The following FHIP1A variants were observed in gnomAD, a reference collection of about 807,000 sequenced individuals.
The protein encoded by FHIP1A is FHF complex subunit HOOK-interacting protein 1A.
Under a neutral mutation model 88.6 loss-of-function variants are expected in FHIP1A, and 61 were observed. The ratio of observed to expected loss-of-function variants is 0.69; its 90% CI spans 0.56 to 0.85. The LOEUF (loss-of-function observed/expected upper bound fraction) is 0.85. FHIP1A is among the 40% of genes least tolerant of loss of function. FHIP1A has a pLI of 0.00. For missense variants in FHIP1A, 1,154 were observed against 1,273.5 expected (o/e 0.91, Z 1.43); for synonymous variants, 478 against 496.0 (o/e 0.96, Z 0.48).
At chr4:151,494,804 A>G (rs141849977) in intron 3 of FHIP1A, among the ~76,000 whole-genome samples, 1,975 of 152,322 alleles carry the variant, frequency 0.013, 46 homozygotes, top group African/African-American at 0.045. Flanking sequence ...CTCCATGAGC[A>G]TGGAATGTTT....
intron 1 of FHIP1A, among the ~76,000 whole-genome samples, chr4:151,447,235 G>T (rs1374101607): frequency 6.6e-6 from 1 of 152,084 alleles, no homozygotes; most frequent in South Asian, 2.1e-4. Context: ...GAAATAGTTT[G>T]TCTGTTTTTG....
chr4:151,650,681 A>G (rs1263128728), intron 11 of FHIP1A, 89 bp downstream of exon 11: 23 of 1,444,556 alleles, frequency 1.6e-5, no homozygotes, highest in African/African-American at 2.9e-5. Flanking sequence ...AAGGTAAGGG[A>G]TATTATCGGT....
chr4:151,475,816 T>C (rs1349690763), intron 2 of FHIP1A, among the ~76,000 whole-genome samples: 1 of 152,136 alleles, frequency 6.6e-6, no homozygotes, highest in Non-Finnish European at 1.5e-5. Context: ...AAAAGTCATC[T>C]GTTTTTTTTT....
chr4:151,528,450 C>T (rs1046896559), intron 3 of FHIP1A, among the ~76,000 whole-genome samples: 2 of 152,018 alleles, frequency 1.3e-5, no homozygotes, highest in Non-Finnish European at 2.9e-5. Flanking sequence ...CCAGAAAACA[C>T]GAAGTGGAAC....
rs762167754 is a variant in FHIP1A at position 151,629,883 on chromosome 4, CAG to C, written c.1146+17_1146+18del. 22 of 1,547,892 alleles carry C rather than the reference CAG, an allele frequency of 1.4e-5. No individual in the cohort carries two copies. In the South Asian group the frequency reaches 2.0e-4, roughly 14 times the overall value. ...ACCCCGTTTCGGGTAAGGAGAGCGCCAGAGGAAGGGAACTTACAACTCAGAAC... is the reference window on the plus strand; with the variant it reads ...ACCCCGTTTCGGGTAAGGAGAGCGCCAGGAAGGGAACTTACAACTCAGAAC... On this transcript the variant is annotated intron_variant, in intron 8 of 13. Transcript: ENST00000435205.
intron 7 of FHIP1A, among the ~76,000 whole-genome samples, chr4:151,606,184 CG>C (rs1735067186): frequency 6.6e-6 from 1 of 152,054 alleles, no homozygotes; most frequent in South Asian, 2.1e-4. Flanking sequence ...GAGATAGTAG[CG>C]GGGGTTCTGG....
At chr4:151,581,653 T>C (rs1444940232) in intron 5 of FHIP1A, among the ~76,000 whole-genome samples, 1 of 152,204 alleles carries the variant, frequency 6.6e-6, no homozygotes, top group Non-Finnish European at 1.5e-5. Flanking sequence ...TAATCTCATT[T>C]GTACCCAGTT....
chr4:151,646,831 A>G, intron 10 of FHIP1A, 83 bp downstream of exon 10: 3 of 932,396 alleles, frequency 3.2e-6, no homozygotes, highest in African/African-American at 1.6e-5. Context: ...TTGGGTAGAC[A>G]GGGAATTATG....
intron 1 of FHIP1A, among the ~76,000 whole-genome samples, chr4:151,450,968 G>A (rs190391989): frequency 1.2e-4 from 19 of 152,002 alleles, no homozygotes; most frequent in African/African-American, 4.1e-4. Context: ...AATAGAGATC[G>A]TGTTTCATCA....
intron 6 of FHIP1A, among the ~76,000 whole-genome samples, chr4:151,587,054 T>C (rs966855679): frequency 2.0e-5 from 3 of 152,032 alleles, no homozygotes; most frequent in African/African-American, 7.2e-5. Flanking sequence ...GATTATCTAC[T>C]TAACCATCAA....
At chr4:151,634,781 A>T (rs1192749058) in intron 8 of FHIP1A, among the ~76,000 whole-genome samples, 1 of 151,964 alleles carries the variant, frequency 6.6e-6, no homozygotes, top group African/African-American at 2.4e-5. Context: ...TAAACATGAG[A>T]TCTGAAACTA....
chr4:151,416,731 T>C (rs757606637), intron 1 of FHIP1A, among the ~76,000 whole-genome samples: 9 of 152,220 alleles, frequency 5.9e-5, no homozygotes, highest in Non-Finnish European at 1.2e-4. Flanking sequence ...ACTTATAGTT[T>C]GTATATATTC....
intron 1 of FHIP1A, among the ~76,000 whole-genome samples, chr4:151,454,434 A>C (rs1220737948): frequency 2.0e-5 from 3 of 152,044 alleles, no homozygotes; most frequent in Non-Finnish European, 4.4e-5. Context: ...CACTACAGAG[A>C]CTCTGAAATA....
In FHIP1A at chr4:151,670,447, A is replaced by C. The variant is rs2126948135; in HGVS notation, c.*7693A>C. ...CTGCACAATCTTTGAAGTGTAAGTT[A>C]ATTTTTATGTGATATTTCAGTATAT... is the stretch of plus-strand genomic sequence containing the variant. On this transcript the variant is annotated 3_prime_UTR_variant, in exon 14 of 14. Transcript: ENST00000435205. The C allele has an allele frequency of 6.6e-6, 1 of 152,238 alleles. No homozygotes were observed. Among genetic ancestry groups the C allele is most frequent in the Non-Finnish European group, 1.5e-5 (1 of 68,020 alleles). The allele number at this position is 152,238 out of a possible 1,614,324, so 9.4% of individuals were successfully genotyped here. A position where few individuals can be genotyped will look rare whatever the true frequency, so the allele number is the denominator to read the frequency against.
intron 3 of FHIP1A, among the ~76,000 whole-genome samples, chr4:151,530,306 C>T (rs1422372637): frequency 1.3e-5 from 2 of 152,098 alleles, no homozygotes; most frequent in Non-Finnish European, 2.9e-5. Context: ...TGGTTGCCCT[C>T]AAGCACATGG....
At chr4:151,548,398 A>C (rs1732590202) in intron 3 of FHIP1A, among the ~76,000 whole-genome samples, 1 of 152,206 alleles carries the variant, frequency 6.6e-6, no homozygotes, top group Non-Finnish European at 1.5e-5. Context: ...GCTGGGCTGC[A>C]TTTCTAGTAA....
At chr4:151,557,804 C>T (rs1355432324) in intron 3 of FHIP1A, among the ~76,000 whole-genome samples, 1 of 152,168 alleles carries the variant, frequency 6.6e-6, no homozygotes, top group East Asian at 1.9e-4. Flanking sequence ...GAAATTAGAT[C>T]CTCCTTTACC....
chr4:151,583,542 A>T (rs1734101458), intron 5 of FHIP1A, among the ~76,000 whole-genome samples: 1 of 152,200 alleles, frequency 6.6e-6, no homozygotes, highest in South Asian at 2.1e-4. Context: ...GATGTATGTA[A>T]TTTGAAAATT....
Position 151,656,347 on chromosome 4 carries a change from C to T in FHIP1A, c.2667C>T (p.Leu889=). ...ITQLASYPQP[L]LRSFLLNTNM... is the part of the protein sequence containing the mutation. The stretch of plus-strand genomic sequence containing the variant: ...AGCTAGCCAGCTACCCCCAGCCACT[C>T]CTGCGCTCCTTTCTGCTCAACACCA... Residue 889 remains leucine (L), a synonymous_variant, in exon 12 of 14, where the codon CTC becomes CTT. Coordinates refer to ENST00000435205, the MANE Select transcript of FHIP1A (RefSeq NM_001109977.3). This position sits in a 1 kb window ranked among gnomAD's most constrained non-coding sequence, Gnocchi z 4.2. The T allele has an allele frequency of 1.3e-6, 2 of 1,551,708 alleles. No individual in the cohort carries two copies. The highest frequency in any genetic ancestry group is 1.2e-5 in the South Asian group (1 of 84,056).
Sources: allele counts gnomAD v4.1 joint callset (sites outside exome capture counted in the v4.1 genomes callset), GRCh38; gene constraint gnomAD v4.1.1; non-coding constraint Gnocchi (gnomAD v3.1); transcripts MANE v1.5; gene names NCBI Gene and HGNC (gene_info 2026-07-23, HGNC 2026-07-21).